Variants in SULF2 observed in about 807,000 individuals in gnomAD.
SULF2 encodes extracellular sulfatase Sulf-2.
In SULF2, 52 loss-of-function variants were observed where a neutral mutation model predicts 107.7. The ratio of observed to expected loss-of-function variants is 0.48; its 90% CI spans 0.39 to 0.61. The LOEUF is 0.61. SULF2 is among the 20% of genes least tolerant of loss of function. The pLI, the probability that SULF2 is intolerant of heterozygous loss-of-function variation, is 0.00. For missense variants in SULF2, 993 were observed against 1,177.3 expected, an observed-to-expected ratio of 0.84 and a Z score of 2.29; for synonymous variants, 460 against 464.3, an observed-to-expected ratio of 0.99 and a Z score of 0.12.
At chr20:47,766,663 G>A (rs1014892903) in intron 1 of SULF2, among the ~76,000 whole-genome samples, 1 of 152,200 alleles carries the variant, frequency 6.6e-6, no homozygotes, top group Non-Finnish European at 1.5e-5. Context: ...GATACTCTAA[G>A]TCAACATAGG....
At chr20:47,778,795 A>G (rs988006946) in intron 1 of SULF2, among the ~76,000 whole-genome samples, 1 of 152,222 alleles carries the variant, frequency 6.6e-6, no homozygotes, top group Non-Finnish European at 1.5e-5. Context: ...GGGATATGCT[A>G]AAAATATTCA....
At position 47,666,456 on chromosome 20, in the gene SULF2, T is replaced by G; in HGVS notation, c.1609A>C (p.Ile537Leu). Reference sequence around the variant, plus strand: ...TCCACCTCGATGGCCACTGAGCGGATGGAGCGACTGCGGACATAGCTGGCC... The same window carrying G: ...TCCACCTCGATGGCCACTGAGCGGAGGGAGCGACTGCGGACATAGCTGGCC... ...YKASYVRSRSIRSVAIEVDGR... is the reference protein window; with the variant it reads ...YKASYVRSRSLRSVAIEVDGR... Residue 537 changes from isoleucine (I) to leucine (L), a missense_variant, in exon 12 of 21, where the codon ATC becomes CTC. Around this residue, in one of 3 missense-constraint regions of SULF2, gnomAD observed 497 missense variants for 544.1 expected, o/e 0.91. Transcript: ENST00000688720. The surrounding 1 kb of genome is among the most constrained non-coding windows in gnomAD (Gnocchi z 5.4). 1.9e-6 allele frequency: 3 copies of G among 1,613,678 alleles called. No individual in the cohort carries two copies. The highest frequency in any genetic ancestry group is 2.5e-6 in the Non-Finnish European group (3 of 1,180,040).
intron 3 of SULF2, among the ~76,000 whole-genome samples, chr20:47,705,795 TTTTCTTTTC>T (rs1241703059): frequency 2.6e-5 from 3 of 113,780 alleles, no homozygotes; most frequent in African/African-American, 8.5e-5. Flanking sequence ...AAACCTTTTC[TTTTCTTTTC>T]TTTTTTTTTT....
intron 13 of SULF2, 92 bp downstream of exon 13, chr20:47,665,765 G>A: frequency 9.5e-7 from 1 of 1,047,678 alleles, no homozygotes; most frequent in East Asian, 2.4e-5. Flanking sequence ...CCTCTTCCCT[G>A]GGTCTGGCCT....
At chr20:47,686,231 T>G (rs1348299959) in intron 5 of SULF2, 4 of 152,200 alleles carry the variant, frequency 2.6e-5, no homozygotes, top group Non-Finnish European at 5.9e-5. Flanking sequence ...AGCGGGCAGG[T>G]CCCCAAACTT....
intron 1 of SULF2, among the ~76,000 whole-genome samples, chr20:47,781,828 T>C (rs2122738409): frequency 6.6e-6 from 1 of 152,196 alleles, no homozygotes; most frequent in African/African-American, 2.4e-5. Context: ...AGTCTGGCTC[T>C]CCTAGCCACG....
intron 3 of SULF2, among the ~76,000 whole-genome samples, chr20:47,725,551 C>T (rs1004153729): frequency 1.3e-5 from 2 of 152,202 alleles, no homozygotes; most frequent in African/African-American, 4.8e-5. Flanking sequence ...CCCTAGGGGG[C>T]GGTGTGCTCC....
At chr20:47,782,256 C>T (rs534815373) in intron 1 of SULF2, among the ~76,000 whole-genome samples, 10 of 152,340 alleles carry the variant, frequency 6.6e-5, no homozygotes, top group East Asian at 5.8e-4. Flanking sequence ...GCCAGCCCAG[C>T]GCTTCTTCCC....
At chr20:47,771,399 G>A (rs77929026) in intron 1 of SULF2, among the ~76,000 whole-genome samples, 5,936 of 151,916 alleles carry the variant, frequency 0.039, 171 homozygotes, top group African/African-American at 0.073. Context: ...TTCTATGTAC[G>A]CCAGAAACAT....
chr20:47,679,967 C>T (rs975432352), intron 7 of SULF2, among the ~76,000 whole-genome samples: 15 of 151,978 alleles, frequency 9.9e-5, no homozygotes, highest in African/African-American at 3.6e-4. Flanking sequence ...TTGTCTATTG[C>T]CCAGTTAGAC....
rs561811525 is a variant in SULF2, at chr20:47,663,683, C to G, written c.2058-61G>C. 5.3e-6 allele frequency: 8 copies of G among 1,499,430 alleles called. No homozygotes were observed. In the East Asian group the frequency reaches 1.6e-4, roughly 30 times the overall value. 92.9% of individuals were successfully genotyped at this position (1,499,430 alleles called of 1,614,324 possible). On this transcript the variant is annotated intron_variant, in intron 15 of 20. Coordinates refer to ENST00000688720, the MANE Select transcript of SULF2 (RefSeq NM_001387048.1). ...CTGAGGGATCAGTGACCCCATGTCTCTGCTCTTCCTGTCCACCTAAGGGCT... is the reference window on the plus strand; with the variant it reads ...CTGAGGGATCAGTGACCCCATGTCTGTGCTCTTCCTGTCCACCTAAGGGCT...
At chr20:47,784,710 G>T (rs577513944) in intron 1 of SULF2, among the ~76,000 whole-genome samples, 2 of 152,298 alleles carry the variant, frequency 1.3e-5, no homozygotes, top group African/African-American at 4.8e-5. Flanking sequence ...CTACTATAAG[G>T]AATGTTTGGA....
intron 1 of SULF2, among the ~76,000 whole-genome samples, chr20:47,783,648 A>G (rs1293335838): frequency 6.6e-6 from 1 of 152,248 alleles, no homozygotes; most frequent in Admixed American, 6.5e-5. Context: ...AAAAAACCCA[A>G]GAAGTACACA....
intron 2 of SULF2, 123 bp downstream of exon 2, chr20:47,757,066 T>G: frequency 2.2e-6 from 2 of 914,254 alleles, no homozygotes; most frequent in East Asian, 2.7e-5. Flanking sequence ...CGTGTCTTGG[T>G]TTCAATGTAC....
intron 1 of SULF2, among the ~76,000 whole-genome samples, chr20:47,764,544 C>A (rs1014131374): frequency 7.9e-5 from 12 of 152,146 alleles, no homozygotes; most frequent in African/African-American, 2.7e-4. Flanking sequence ...GGTCCTGGGG[C>A]AGACATGTGA....
chr20:47,747,018 T>TATATATACAC (rs1232551264), intron 2 of SULF2, among the ~76,000 whole-genome samples: 213 of 75,008 alleles, frequency 2.8e-3, no homozygotes, highest in African/African-American at 8.2e-3. Context: ...TATATATATA[T>TATATATACAC]ACACACACAC....
In SULF2 at chr20:47,745,393, A is replaced by T. The variant is rs1438351777; in HGVS notation, c.176-8451T>A. On this transcript the variant is annotated intron_variant, in intron 2 of 20. Coordinates refer to ENST00000688720, the MANE Select transcript of SULF2 (RefSeq NM_001387048.1). ...TCTGAGTTTTGAGGGAAAAAAAAAA[A>T]AAAAAAAAAAAAAAAAAATATATAT... Among the ~76,000 whole-genome samples, 82 of 16,776 alleles carry T rather than the reference A, an allele frequency of 4.9e-3. 2 individuals are homozygous for T. In the African/African-American group the frequency reaches 0.056, roughly 12 times the overall value. 11.0% of individuals were successfully genotyped at this position (16,776 alleles called of 152,430 possible). A position where few individuals can be genotyped will look rare whatever the true frequency, so the allele number is the denominator to read the frequency against.
At chr20:47,702,770 C>T in intron 3 of SULF2, 100 bp from the exon 4 acceptor site, 1 of 1,102,698 alleles carries the variant, frequency 9.1e-7, no homozygotes, top group East Asian at 2.5e-5. Context: ...ACCTGCTCTG[C>T]CATGGAGCCC....
rs887464813 is a variant in SULF2, at chr20:47,782,826, G to A, written c.-101+2517C>T. Among the ~76,000 whole-genome samples the A allele has an allele frequency of 3.2e-4, 49 of 152,180 alleles. 1 individual carries two copies. The highest frequency in any genetic ancestry group is 2.4e-5 in the African/African-American group (1 of 41,452). ...CAAATACAAACCCGGACTCTCTGTC[G>A]GAACAGTGGGGGTTTATGGAAAGTT... On this transcript the variant is annotated intron_variant, in intron 1 of 20. Coordinates refer to ENST00000688720, the MANE Select transcript of SULF2 (RefSeq NM_001387048.1).
Sources: allele counts gnomAD v4.1 joint callset (sites outside exome capture counted in the v4.1 genomes callset), GRCh38; gene constraint gnomAD v4.1.1; regional missense constraint gnomAD v4.1.1; non-coding constraint Gnocchi (gnomAD v3.1); transcripts MANE v1.5; gene names NCBI Gene and HGNC (gene_info 2026-07-23, HGNC 2026-07-21).